TBC1D5: variants seen among roughly 807,000 people sequenced by gnomAD.
The protein encoded by TBC1D5 is TBC1 domain family member 5.
In TBC1D5, 75 loss-of-function variants were observed where a neutral mutation model predicts 100.3. That is an observed-to-expected ratio of 0.75 (90% confidence interval 0.62 to 0.91). The LOEUF (loss-of-function observed/expected upper bound fraction) is 0.91, where lower values mean the gene tolerates loss of function less well. TBC1D5 is among the 40% of genes least tolerant of loss of function. TBC1D5 has a pLI of 0.00. For synonymous variants in TBC1D5, 323 were observed against 325.6 expected, an observed-to-expected ratio of 0.99 and a Z score of 0.09; for missense variants, 910 against 942.4, an observed-to-expected ratio of 0.97 and a Z score of 0.45.
chr3:17,542,975 A>G (rs959258429), intron 2 of TBC1D5, among the ~76,000 whole-genome samples: 2 of 152,244 alleles, frequency 1.3e-5, no homozygotes, highest in Non-Finnish European at 2.9e-5. Flanking sequence ...GTGAAATTAT[A>G]TATGTGTACT....
intron 16 of TBC1D5, among the ~76,000 whole-genome samples, chr3:17,251,040 C>A (rs1395721668): frequency 6.6e-6 from 1 of 152,154 alleles, no homozygotes; most frequent in Non-Finnish European, 1.5e-5. Context: ...AATTAATGAG[C>A]AAGCACTGGT....
intron 19 of TBC1D5, among the ~76,000 whole-genome samples, chr3:17,181,878 T>C (rs976600056): frequency 1.3e-5 from 2 of 152,240 alleles, no homozygotes; most frequent in Non-Finnish European, 1.5e-5. Context: ...TATCTACTTA[T>C]ATTAACATTT....
At chr3:17,462,727 T>C (rs2095237713) in intron 3 of TBC1D5, among the ~76,000 whole-genome samples, 1 of 152,174 alleles carries the variant, frequency 6.6e-6, no homozygotes, top group Non-Finnish European at 1.5e-5. Context: ...AGAATAATAA[T>C]AAAGACTGTA....
At chr3:17,189,608 C>T (rs901106708) in intron 18 of TBC1D5, among the ~76,000 whole-genome samples, 1 of 152,196 alleles carries the variant, frequency 6.6e-6, no homozygotes, top group Non-Finnish European at 1.5e-5. Context: ...GAGGTATATT[C>T]TCTCATTATC....
chr3:17,201,407 G>A (rs1372475941), intron 18 of TBC1D5, among the ~76,000 whole-genome samples: 2 of 152,132 alleles, frequency 1.3e-5, no homozygotes, highest in East Asian at 1.9e-4. Context: ...AATACTTCCA[G>A]GTGTATTAAT....
At chr3:17,617,629 G>A (rs1225020738) in intron 2 of TBC1D5, among the ~76,000 whole-genome samples, 3 of 151,972 alleles carry the variant, frequency 2.0e-5, no homozygotes, top group Non-Finnish European at 2.9e-5. Flanking sequence ...TTGTCTTCTC[G>A]CTTTATTTCA....
intron 1 of TBC1D5, among the ~76,000 whole-genome samples, chr3:17,629,021 A>C (rs775029200): frequency 6.6e-6 from 1 of 152,252 alleles, no homozygotes; most frequent in Non-Finnish European, 1.5e-5. Context: ...CATTAGTTTT[A>C]TCTTATGCAT....
At chr3:17,514,981 T>C (rs1245546577) in intron 2 of TBC1D5, among the ~76,000 whole-genome samples, 1 of 151,454 alleles carries the variant, frequency 6.6e-6, no homozygotes, top group East Asian at 1.9e-4. Context: ...ATATAGATAT[T>C]ACCTCTAGCC....
chr3:17,313,369 T>C (rs2084275440), intron 13 of TBC1D5, among the ~76,000 whole-genome samples: 1 of 152,172 alleles, frequency 6.6e-6, no homozygotes, highest in Admixed American at 6.6e-5. Flanking sequence ...TTAGGCTCCA[T>C]GAAAACTGTT....
intron 1 of TBC1D5, among the ~76,000 whole-genome samples, chr3:17,720,839 TTTTG>T (rs1304135629): frequency 2.0e-5 from 3 of 151,944 alleles, no homozygotes; most frequent in Admixed American, 6.6e-5. Context: ...CTTTTTTTCT[TTTTG>T]TTTGTTTGTT....
At chr3:17,721,575 A>C (rs1355827271) in intron 1 of TBC1D5, among the ~76,000 whole-genome samples, 5 of 152,064 alleles carry the variant, frequency 3.3e-5, no homozygotes, top group Non-Finnish European at 7.4e-5. Flanking sequence ...AAGTGTCATG[A>C]AAAATGTGAA....
chr3:17,702,010 G>T (rs566774973), intron 1 of TBC1D5, among the ~76,000 whole-genome samples: 2 of 152,128 alleles, frequency 1.3e-5, no homozygotes, highest in Non-Finnish European at 2.9e-5. Context: ...CCAAAACTGT[G>T]TTTAGTTTAT....
chr3:17,531,216 A>C (rs915169580), intron 2 of TBC1D5, among the ~76,000 whole-genome samples: 2 of 152,240 alleles, frequency 1.3e-5, no homozygotes, highest in African/African-American at 4.8e-5. Context: ...CCAAGTCATG[A>C]GTGAACTCCC....
intron 13 of TBC1D5, chr3:17,338,376 T>C (rs866199606): frequency 6.6e-6 from 1 of 152,130 alleles, no homozygotes; most frequent in Non-Finnish European, 1.5e-5. Flanking sequence ...TGAAAAATAA[T>C]TATAGAAGCT....
At position 17,251,382 on chromosome 3, in the gene TBC1D5, G is replaced by A. The variant is rs1199378040; in HGVS notation, c.1331+7124C>T. Reference sequence around the variant, plus strand: ...GTGCATTGGGGCTGTCATGCAAGAGGGGAAGTAATGATGATCCAGAGGGAA... The same window carrying A: ...GTGCATTGGGGCTGTCATGCAAGAGAGGAAGTAATGATGATCCAGAGGGAA... On this transcript the variant is annotated intron_variant, in intron 16 of 21. Transcript: ENST00000253692. 5.3e-5 allele frequency among the ~76,000 whole-genome samples: 8 copies of A among 151,494 alleles called. No homozygotes were observed. The South Asian group carries it at 1.5e-3, about 28-fold the overall frequency.
intron 3 of TBC1D5, chr3:17,465,623 C>A (rs1427544543): frequency 1.3e-5 from 2 of 152,230 alleles, no homozygotes; most frequent in Admixed American, 1.3e-4. Context: ...TCAACTTCCA[C>A]AAACACATAC....
At chr3:17,712,864 A>G (rs1208934520) in intron 1 of TBC1D5, among the ~76,000 whole-genome samples, 1 of 152,210 alleles carries the variant, frequency 6.6e-6, no homozygotes, top group Non-Finnish European at 1.5e-5. Context: ...ATAGTCAGTA[A>G]TTCTGAGAGC....
chr3:17,419,913 G>T (rs2094168109), intron 4 of TBC1D5, among the ~76,000 whole-genome samples: 1 of 152,084 alleles, frequency 6.6e-6, no homozygotes, highest in South Asian at 2.1e-4. Flanking sequence ...GCCCAGGCTG[G>T]TCTTCAACTC....
At chr3:17,181,132 C>A (rs561252074) in intron 19 of TBC1D5, among the ~76,000 whole-genome samples, 1 of 152,278 alleles carries the variant, frequency 6.6e-6, no homozygotes, top group East Asian at 1.9e-4. Flanking sequence ...GCCCCAGAGG[C>A]ATCATTAAGT....
Sources: gnomAD v4.1 joint callset for allele counts (sites outside exome capture counted in the v4.1 genomes callset) on GRCh38, gnomAD v4.1.1 for gene constraint, MANE v1.5 for transcripts, NCBI Gene and HGNC (gene_info 2026-07-23, HGNC 2026-07-21) for gene names.